The following MAGI2 variants were observed in gnomAD, a reference collection of about 807,000 sequenced individuals.
MAGI2 encodes membrane-associated guanylate kinase, WW and PDZ domain-containing protein 2.
MAGI2 carries 35 observed loss-of-function variants against 133.3 expected under a neutral mutation model. That is an observed-to-expected ratio of 0.26 (90% CI 0.20 to 0.35). The LOEUF is 0.35. Ranked by LOEUF, MAGI2 falls within the 10% of genes least tolerant of loss-of-function variation. The probability of loss-of-function intolerance (pLI) is 1.00; values close to 1 mark genes in which losing one functional copy is unlikely to be tolerated. For synonymous variants in MAGI2, 729 were observed against 710.6 expected, an observed-to-expected ratio of 1.03 and a Z score of -0.41; for missense variants, 1,636 against 1,863.4, an observed-to-expected ratio of 0.88 and a Z score of 2.25.
At chr7:78,025,448 T>C (rs985765515) in intron 21 of MAGI2, among the ~76,000 whole-genome samples, 1 of 152,244 alleles carries the variant, frequency 6.6e-6, no homozygotes, top group Non-Finnish European at 1.5e-5. Context: ...AATGACCACA[T>C]TGGCCTTGTT....
chr7:78,476,652 G>T (rs10251779), intron 6 of MAGI2, among the ~76,000 whole-genome samples: 63,438 of 151,554 alleles, frequency 0.42, 15,513 homozygotes, highest in East Asian at 0.75. Context: ...TTTGCTCTTT[G>T]TTGTCTGAGG....
At position 78,643,810 on chromosome 7, in the gene MAGI2, G is replaced by A. The variant is rs374762829; in HGVS notation, c.419-16571C>T. On this transcript the variant is annotated intron_variant, in intron 2 of 21. Transcript: ENST00000354212. ...TATATGAAGTGATGTATCATTTGAC[G>A]GCTGACTGGGATAAGTTAAAGATGT... 1.8e-4 allele frequency among the ~76,000 whole-genome samples: 27 copies of A among 151,922 alleles called. No homozygotes were observed. The East Asian group carries it at 2.7e-3, about 15-fold the overall frequency.
intron 1 of MAGI2, among the ~76,000 whole-genome samples, chr7:79,417,729 T>C (rs1203950450): frequency 1.3e-5 from 2 of 150,470 alleles, no homozygotes; most frequent in Admixed American, 6.6e-5. Flanking sequence ...TGTGACATAG[T>C]TGAATATGTC....
chr7:79,083,794 G>A (rs1415367700), intron 1 of MAGI2, among the ~76,000 whole-genome samples: 1 of 151,532 alleles, frequency 6.6e-6, no homozygotes, highest in African/African-American at 2.4e-5. Flanking sequence ...AAACATCTGG[G>A]CCTGCAATTC....
chr7:78,621,409 AT>A (rs2150940029), intron 3 of MAGI2: 1 of 152,128 alleles, frequency 6.6e-6, no homozygotes, highest in East Asian at 1.9e-4. Flanking sequence ...TAACAATAAA[AT>A]TCGTCAACTA....
intron 1 of MAGI2, among the ~76,000 whole-genome samples, chr7:79,120,519 T>C (rs551767308): frequency 6.6e-6 from 1 of 152,170 alleles, no homozygotes; most frequent in African/African-American, 2.4e-5. Context: ...CTAGTCCTTG[T>C]ACTACAAATA....
intron 1 of MAGI2, among the ~76,000 whole-genome samples, chr7:79,353,102 C>T (rs991588693): frequency 1.3e-5 from 2 of 151,856 alleles, no homozygotes; most frequent in African/African-American, 2.4e-5. Context: ...AACAGGAGGC[C>T]GATTTAGCTT....
At chr7:79,270,111 CA>C (rs1834772819) in intron 1 of MAGI2, among the ~76,000 whole-genome samples, 1 of 152,136 alleles carries the variant, frequency 6.6e-6, no homozygotes, top group Admixed American at 6.6e-5. Flanking sequence ...CGGCCCCACC[CA>C]GAGAAGGACT....
At chr7:79,297,774 C>T (rs1483765266) in intron 1 of MAGI2, among the ~76,000 whole-genome samples, 1 of 152,136 alleles carries the variant, frequency 6.6e-6, no homozygotes, top group Admixed American at 6.5e-5. Flanking sequence ...CTTTGAGCAG[C>T]AATATTTATT....
At chr7:78,423,274 A>G (rs1169962415) in intron 6 of MAGI2, among the ~76,000 whole-genome samples, 1 of 152,092 alleles carries the variant, frequency 6.6e-6, no homozygotes, top group East Asian at 1.9e-4. Context: ...TTCCTGCACA[A>G]GCTCTCTCTT....
chr7:78,533,432 A>C (rs1236819878), intron 3 of MAGI2, among the ~76,000 whole-genome samples: 1 of 152,162 alleles, frequency 6.6e-6, no homozygotes, highest in East Asian at 1.9e-4. Context: ...GAGAACACAA[A>C]AGAAGAGGAA....
In MAGI2 at chr7:78,823,349, C is replaced by T. The variant is rs930369426; in HGVS notation, c.418+183741G>A. On this transcript the variant is annotated intron_variant, in intron 2 of 21. Coordinates refer to ENST00000354212, the MANE Select transcript of MAGI2 (RefSeq NM_012301.4). ...CTGTAATCCCAGCACTTTGGGAGGC[C>T]GAGGCGGGTGGATCACGAGGTCAGG... 1.1e-4 allele frequency among the ~76,000 whole-genome samples: 16 copies of T among 151,894 alleles called. No homozygotes were observed. The South Asian group carries it at 3.1e-3, about 30-fold the overall frequency.
At chr7:78,578,173 CTT>C (rs1802465915) in intron 3 of MAGI2, among the ~76,000 whole-genome samples, 1 of 151,888 alleles carries the variant, frequency 6.6e-6, no homozygotes, top group Admixed American at 6.6e-5. Context: ...GGTTACTAAT[CTT>C]TTATTCTGGT....
intron 1 of MAGI2, among the ~76,000 whole-genome samples, chr7:79,164,130 A>G (rs1012714791): frequency 3.3e-5 from 5 of 151,962 alleles, no homozygotes; most frequent in Non-Finnish European, 7.4e-5. Flanking sequence ...CATGCATTCT[A>G]TGGAATGTTT....
chr7:78,674,569 C>T (rs1016155139), intron 2 of MAGI2, among the ~76,000 whole-genome samples: 1 of 151,770 alleles, frequency 6.6e-6, no homozygotes, highest in Non-Finnish European at 1.5e-5. Flanking sequence ...TTTTGTCTAC[C>T]TCATTTATTA....
At chr7:79,429,324 A>G (rs535748707) in intron 1 of MAGI2, among the ~76,000 whole-genome samples, 4 of 151,962 alleles carry the variant, frequency 2.6e-5, no homozygotes, top group African/African-American at 9.6e-5. Context: ...GTTTTTTGAG[A>G]CAGAGTCTCA....
chr7:78,805,088 A>T (rs1052023223), intron 2 of MAGI2, among the ~76,000 whole-genome samples: 2 of 151,910 alleles, frequency 1.3e-5, no homozygotes, highest in African/African-American at 2.4e-5. Context: ...AAAAATAAAA[A>T]AAAATAAAAA....
At chr7:78,739,394 G>T (rs1822175937) in intron 2 of MAGI2, among the ~76,000 whole-genome samples, 1 of 152,198 alleles carries the variant, frequency 6.6e-6, no homozygotes, top group African/African-American at 2.4e-5. Context: ...AATGTTTTAA[G>T]TGCCATTCTG....
intron 3 of MAGI2, among the ~76,000 whole-genome samples, chr7:78,524,612 G>C (rs565445067): frequency 1.3e-5 from 2 of 152,122 alleles, no homozygotes; most frequent in Non-Finnish European, 2.9e-5. Context: ...ATATATACAC[G>C]TTGCTAAATG....
Sources: allele counts gnomAD v4.1 joint callset (sites outside exome capture counted in the v4.1 genomes callset), GRCh38; gene constraint gnomAD v4.1.1; transcripts MANE v1.5; gene names NCBI Gene and HGNC (gene_info 2026-07-23, HGNC 2026-07-21).